Variants in NTRK3 observed in about 807,000 individuals in gnomAD.
The protein encoded by NTRK3 is neurotrophic receptor tyrosine kinase 3.
In NTRK3, 24 loss-of-function variants were observed where a neutral mutation model predicts 91.7. That is an observed-to-expected ratio of 0.26 (90% CI 0.19 to 0.37). NTRK3 has a LOEUF of 0.37. Among genes scored for constraint, NTRK3 ranks in the 10% least tolerant of loss-of-function variants. The pLI is 1.00. For synonymous variants in NTRK3, 483 were observed against 404.0 expected (o/e 1.20, Z -2.34); for missense variants, 880 against 1,068.9 (o/e 0.82, Z 2.46).
At chr15:88,150,015 G>A (rs1356388103) in intron 5 of NTRK3, among the ~76,000 whole-genome samples, 1 of 152,190 alleles carries the variant, frequency 6.6e-6, no homozygotes, top group African/African-American at 2.4e-5. Context: ...TCCGTCCCCT[G>A]CCTTTAGCTC....
Position 88,118,748 on chromosome 15 carries a change from G to A in NTRK3, c.1396+7523C>T, listed in dbSNP as rs1437823879. Among the ~76,000 whole-genome samples, 4 of 152,304 alleles carry A rather than the reference G, an allele frequency of 2.6e-5. No individual in the cohort carries two copies. In the East Asian group the frequency reaches 7.7e-4, roughly 29 times the overall value. The stretch of plus-strand genomic sequence containing the variant: ...GGTGACATCCACAGTAGGGCATAAG[G>A]CATGTGATCTCACCTGTCACATGAG... On this transcript the variant is annotated intron_variant, in intron 13 of 18. Transcript: ENST00000394480.
chr15:88,135,484 G>A (rs895465926), intron 9 of NTRK3, 87 bp from the exon 10 acceptor site: 35 of 1,440,438 alleles, frequency 2.4e-5, no homozygotes, highest in East Asian at 7.3e-5. Context: ...TGGGAATCCC[G>A]GTTCTTCCCC....
intron 15 of NTRK3, among the ~76,000 whole-genome samples, chr15:87,938,469 C>A (rs1191229221): frequency 6.6e-6 from 1 of 152,180 alleles, no homozygotes; most frequent in African/African-American, 2.4e-5. Flanking sequence ...CTTTTCCAGG[C>A]TGACCACTAG....
At chr15:88,148,464 C>A in intron 5 of NTRK3, among the ~76,000 whole-genome samples, 1 of 152,072 alleles carries the variant, frequency 6.6e-6, no homozygotes, top group Non-Finnish European at 1.5e-5. Context: ...GAGGTGCCTT[C>A]TGAGAAGGTA....
chr15:88,137,358 G>A (rs776731775), intron 7 of NTRK3, 46 bp downstream of exon 7: 33 of 1,607,572 alleles, frequency 2.1e-5, no homozygotes, highest in Admixed American at 3.3e-5. Flanking sequence ...TGGTGTCTGA[G>A]GGATGCCTCC....
At chr15:87,972,687 G>A (rs1325963590) in intron 14 of NTRK3, among the ~76,000 whole-genome samples, 2 of 152,158 alleles carry the variant, frequency 1.3e-5, no homozygotes, top group African/African-American at 2.4e-5. Flanking sequence ...AAAATACCAT[G>A]ATCCTGAGAA....
chr15:87,933,193 A>G lies in NTRK3; in HGVS notation c.1717-9T>C, dbSNP rs771187602. 49 of 1,614,016 alleles carry G rather than the reference A, an allele frequency of 3.0e-5. No homozygotes were observed. The highest frequency in any genetic ancestry group is 3.9e-5 in the Non-Finnish European group (46 of 1,180,020). Reference sequence around the variant, plus strand: ...GTGGGATCCTTCAGGGCCTAGGAACAATGCAGGACACAGGTGTTTAACAAC... The same window carrying G: ...GTGGGATCCTTCAGGGCCTAGGAACGATGCAGGACACAGGTGTTTAACAAC... On this transcript the variant is annotated splice_polypyrimidine_tract_variant and intron_variant, in intron 15 of 18. Transcript: ENST00000394480.
At chr15:88,108,429 G>C (rs1030701759) in intron 13 of NTRK3, among the ~76,000 whole-genome samples, 1 of 152,144 alleles carries the variant, frequency 6.6e-6, no homozygotes. Context: ...ATCCTAAAAA[G>C]AATAGCCCAT....
chr15:88,216,813 G>A (rs1388659560), intron 3 of NTRK3, among the ~76,000 whole-genome samples: 1 of 152,180 alleles, frequency 6.6e-6, no homozygotes, highest in African/African-American at 2.4e-5. Context: ...CTTCTCTTGA[G>A]GAACTGATCT....
chr15:87,907,044 A>G (rs1482577584), intron 17 of NTRK3, among the ~76,000 whole-genome samples: 2 of 151,994 alleles, frequency 1.3e-5, no homozygotes, highest in Non-Finnish European at 2.9e-5. Context: ...TTAATTATTA[A>G]TAACTTCCCT....
chr15:88,121,587 T>C (rs529998188), intron 13 of NTRK3, among the ~76,000 whole-genome samples: 11 of 152,364 alleles, frequency 7.2e-5, no homozygotes, highest in African/African-American at 2.6e-4. Flanking sequence ...GTTGTTAAAA[T>C]GCTGAAATAT....
chr15:88,091,292 A>G (rs543539979), intron 13 of NTRK3, among the ~76,000 whole-genome samples: 1 of 152,374 alleles, frequency 6.6e-6, no homozygotes, highest in Non-Finnish European at 1.5e-5. Context: ...AGGAATTAGC[A>G]GGAATGGCAA....
intron 13 of NTRK3, among the ~76,000 whole-genome samples, chr15:88,079,203 T>C (rs1171066025): frequency 6.6e-6 from 1 of 152,144 alleles, no homozygotes; most frequent in African/African-American, 2.4e-5. Context: ...CGTGACACAG[T>C]TTGAAGTCAG....
exon 14 of NTRK3, chr15:88,032,876 G>C (rs770184627): frequency 6.2e-7 from 1 of 1,613,846 alleles, no homozygotes; most frequent in Admixed American, 1.7e-5. Context: ...GCTTGTGGCA[G>C]TTGTGTCCCT....
intron 14 of NTRK3, among the ~76,000 whole-genome samples, chr15:88,026,649 G>A (rs1197668747): frequency 1.3e-5 from 2 of 152,164 alleles, no homozygotes; most frequent in Non-Finnish European, 2.9e-5. Flanking sequence ...TAATAAAAAT[G>A]TATCAATAGT....
intron 5 of NTRK3, among the ~76,000 whole-genome samples, chr15:88,177,171 T>C (rs2046077938): frequency 6.6e-6 from 1 of 152,322 alleles, no homozygotes; most frequent in Admixed American, 6.5e-5. Flanking sequence ...AGACAGAAAC[T>C]ATATCCATGT....
intron 13 of NTRK3, among the ~76,000 whole-genome samples, chr15:88,069,410 A>G (rs2046922269): frequency 6.6e-6 from 1 of 152,096 alleles, no homozygotes; most frequent in African/African-American, 2.4e-5. Flanking sequence ...ATTAATTAAG[A>G]CTACCAGAAC....
intron 15 of NTRK3, among the ~76,000 whole-genome samples, chr15:87,939,113 T>C (rs550939543): frequency 2.6e-4 from 39 of 152,282 alleles, no homozygotes; most frequent in African/African-American, 7.2e-4. Context: ...GTCTAAAATA[T>C]TTACCTTTAG....
chr15:88,087,522 G>T (rs2048613800), intron 13 of NTRK3, among the ~76,000 whole-genome samples: 1 of 152,222 alleles, frequency 6.6e-6, no homozygotes. Context: ...AGGAGGAAGA[G>T]AGTGTAGGCA....
Sources: allele counts gnomAD v4.1 joint callset (sites outside exome capture counted in the v4.1 genomes callset), GRCh38; gene constraint gnomAD v4.1.1; transcripts MANE v1.5; gene names NCBI Gene and HGNC (gene_info 2026-07-23, HGNC 2026-07-21).